The following SDCCAG8 variants were observed in gnomAD, a reference collection of about 807,000 sequenced individuals.
The protein encoded by SDCCAG8 is SHH signaling and ciliogenesis regulator SDCCAG8.
In SDCCAG8, 74 loss-of-function variants were observed where a neutral mutation model predicts 101.8. That is an observed-to-expected ratio of 0.73 (90% confidence interval 0.60 to 0.88). The LOEUF (loss-of-function observed/expected upper bound fraction) is 0.88. Among genes scored for constraint, SDCCAG8 ranks in the 40% least tolerant of loss-of-function variants. SDCCAG8 has a pLI of 0.00. For missense variants in SDCCAG8, 787 were observed against 822.6 expected (o/e 0.96, Z 0.53); for synonymous variants, 281 against 292.9 (o/e 0.96, Z 0.41).
chr1:243,402,288 G>C (rs371307453), intron 13 of SDCCAG8, among the ~76,000 whole-genome samples: 22 of 151,994 alleles, frequency 1.4e-4, no homozygotes, highest in East Asian at 5.8e-4. Flanking sequence ...AAATTAGCCA[G>C]GCATGATGGC....
intron 1 of SDCCAG8, among the ~76,000 whole-genome samples, chr1:243,261,646 CAT>C (rs1246147011): frequency 2.0e-5 from 3 of 152,188 alleles, no homozygotes; most frequent in Non-Finnish European, 2.9e-5. Context: ...CTTAAGAAAA[CAT>C]ATGTGTAACT....
At chr1:243,343,846 G>A (rs1163002991) in intron 11 of SDCCAG8, among the ~76,000 whole-genome samples, 1 of 152,184 alleles carries the variant, frequency 6.6e-6, no homozygotes, top group Non-Finnish European at 1.5e-5. Flanking sequence ...CTGTATCAAT[G>A]TGAATGAATA....
In SDCCAG8 at chr1:243,267,801, TTACACAATCAGTTA is replaced by T. The variant is rs2067748771; in HGVS notation, c.68-2299_68-2286del. On this transcript the variant is annotated intron_variant, in intron 1 of 17. Transcript: ENST00000366541. ...TGCCCCAATTTCTCAATTTCAGCCA[TTACACAATCAGTTA>T]TACAAGGGATACACTTGACATGCAG... 11 of 827,618 alleles carry T rather than the reference TTACACAATCAGTTA, an allele frequency of 1.3e-5. No individual in the cohort carries two copies. In the East Asian group the frequency reaches 2.7e-4, roughly 20 times the overall value. 51.3% of individuals were successfully genotyped at this position (827,618 alleles called of 1,614,324 possible). A position where few individuals can be genotyped will look rare whatever the true frequency, so the allele number is the denominator to read the frequency against.
chr1:243,327,114 G>A (rs1051090318), intron 9 of SDCCAG8, among the ~76,000 whole-genome samples: 19 of 151,974 alleles, frequency 1.3e-4, no homozygotes, highest in African/African-American at 4.6e-4. Flanking sequence ...TTCCACCAAG[G>A]AAAGGGCCGT....
intron 17 of SDCCAG8, among the ~76,000 whole-genome samples, chr1:243,494,069 C>T (rs1459773863): frequency 6.6e-6 from 1 of 152,124 alleles, no homozygotes; most frequent in Non-Finnish European, 1.5e-5. Context: ...GGAGCTACCA[C>T]AAAGTTAGCT....
chr1:243,286,707 C>G (rs1005344408), intron 5 of SDCCAG8, among the ~76,000 whole-genome samples: 1 of 152,188 alleles, frequency 6.6e-6, no homozygotes, highest in African/African-American at 2.4e-5. Context: ...AGAAACCGTT[C>G]AGAACTTTAA....
At chr1:243,365,211 G>T (rs1266190313) in intron 12 of SDCCAG8, among the ~76,000 whole-genome samples, 1 of 152,134 alleles carries the variant, frequency 6.6e-6, no homozygotes, top group Non-Finnish European at 1.5e-5. Context: ...TGAGGCGATA[G>T]ATTAAGATGA....
chr1:243,391,605 C>T (rs2078703296), intron 13 of SDCCAG8, among the ~76,000 whole-genome samples: 1 of 152,174 alleles, frequency 6.6e-6, no homozygotes. Context: ...CCACAGGCTG[C>T]TTGGTTTTCA....
intron 16 of SDCCAG8, among the ~76,000 whole-genome samples, chr1:243,437,944 C>T (rs562976823): frequency 7.2e-5 from 11 of 152,294 alleles, no homozygotes; most frequent in African/African-American, 2.6e-4. Flanking sequence ...AACAGGTTTC[C>T]ACCCATTTCC....
intron 16 of SDCCAG8, among the ~76,000 whole-genome samples, chr1:243,477,575 A>G (rs921783067): frequency 6.6e-6 from 1 of 152,264 alleles, no homozygotes; most frequent in African/African-American, 2.4e-5. Context: ...TAGTGATTCA[A>G]CAGATCTAAT....
intron 12 of SDCCAG8, among the ~76,000 whole-genome samples, chr1:243,350,776 G>A (rs1240084911): frequency 6.6e-6 from 1 of 152,178 alleles, no homozygotes; most frequent in Non-Finnish European, 1.5e-5. Flanking sequence ...TGAAATTGCT[G>A]CAACAGGCCA....
chr1:243,259,557 C>T (rs1320493190), intron 1 of SDCCAG8, among the ~76,000 whole-genome samples: 3 of 152,068 alleles, frequency 2.0e-5, no homozygotes, highest in Non-Finnish European at 2.9e-5. Flanking sequence ...CGGTGGCTCA[C>T]GCCTGTAATC....
chr1:243,366,411 G>A (rs1027158974), intron 12 of SDCCAG8, among the ~76,000 whole-genome samples: 2 of 151,718 alleles, frequency 1.3e-5, no homozygotes, highest in African/African-American at 2.4e-5. Flanking sequence ...ATGTGACCAA[G>A]TTTTTTTAAT....
At position 243,499,927 on chromosome 1, in the gene SDCCAG8, C is replaced by T. The variant is rs960458468; in HGVS notation, c.*142C>T. 34 of 762,950 alleles carry T rather than the reference C, an allele frequency of 4.5e-5. No individual in the cohort carries two copies. The highest frequency in any genetic ancestry group is 3.5e-4 in the South Asian group (24 of 68,684). 47.3% of individuals were successfully genotyped at this position (762,950 alleles called of 1,614,324 possible). A position where few individuals can be genotyped will look rare whatever the true frequency, so the allele number is the denominator to read the frequency against. ...GCAGTGGGGCTGGTCCTCATCAACG[C>T]GGGCGCTGTCCCCGCACGCAGTCGG... On this transcript the variant is annotated 3_prime_UTR_variant, in exon 18 of 18. Coordinates refer to ENST00000366541, the MANE Select transcript of SDCCAG8 (RefSeq NM_006642.5).
At chr1:243,379,624 C>T (rs1482020293) in intron 13 of SDCCAG8, among the ~76,000 whole-genome samples, 2 of 152,124 alleles carry the variant, frequency 1.3e-5, no homozygotes, top group Admixed American at 6.6e-5. Context: ...TTCACTTTAT[C>T]ATATGTGGTT....
intron 9 of SDCCAG8, among the ~76,000 whole-genome samples, chr1:243,324,372 C>G (rs1573297380): frequency 1.3e-5 from 2 of 151,812 alleles, no homozygotes; most frequent in South Asian, 2.1e-4. Flanking sequence ...CTTTCTCTCT[C>G]TCTTCAGAGT....
chr1:243,300,767 C>T (rs1455140254), intron 6 of SDCCAG8, among the ~76,000 whole-genome samples: 1 of 152,140 alleles, frequency 6.6e-6, no homozygotes, highest in African/African-American at 2.4e-5. Flanking sequence ...TTAGGAGTTC[C>T]TGCCTCTCTA....
chr1:243,410,886 A>C (rs1322113137), intron 13 of SDCCAG8, among the ~76,000 whole-genome samples: 1 of 152,184 alleles, frequency 6.6e-6, no homozygotes, highest in African/African-American at 2.4e-5. Context: ...AATGCAATCA[A>C]CCAGAACTAT....
chr1:243,325,513 C>A (rs755041138), intron 9 of SDCCAG8, among the ~76,000 whole-genome samples: 10 of 151,348 alleles, frequency 6.6e-5, no homozygotes, highest in Non-Finnish European at 1.0e-4. Flanking sequence ...TCTAGTGTGG[C>A]ATTTGGGTAT....
Sources: allele counts gnomAD v4.1 joint callset (sites outside exome capture counted in the v4.1 genomes callset), GRCh38; gene constraint gnomAD v4.1.1; transcripts MANE v1.5; gene names NCBI Gene and HGNC (gene_info 2026-07-23, HGNC 2026-07-21).